Variants in PIP4K2C observed in about 807,000 individuals in gnomAD.
PIP4K2C encodes the protein phosphatidylinositol 5-phosphate 4-kinase type-2 gamma.
PIP4K2C carries 21 observed loss-of-function variants against 45.0 expected under a neutral mutation model. The observed-to-expected ratio is 0.47, with a 90% CI of 0.33 to 0.67. PIP4K2C has a LOEUF of 0.67. Ranked by LOEUF, PIP4K2C falls within the 30% of genes least tolerant of loss-of-function variation. The pLI is 0.02. For synonymous variants in PIP4K2C, 201 were observed against 204.8 expected (o/e 0.98, Z 0.16); for missense variants, 456 against 542.8 (o/e 0.84, Z 1.59).
intron 3 of PIP4K2C, among the ~76,000 whole-genome samples, chr12:57,595,617 C>G (rs1883155254): frequency 6.6e-6 from 1 of 150,580 alleles, no homozygotes; most frequent in African/African-American, 2.4e-5. Context: ...GCAGGAGAAT[C>G]ACCTGAACTT....
At chr12:57,595,443 G>A (rs1316614354) in intron 3 of PIP4K2C, among the ~76,000 whole-genome samples, 5 of 152,158 alleles carry the variant, frequency 3.3e-5, no homozygotes, top group East Asian at 1.9e-4. Flanking sequence ...TGTGGCTCAC[G>A]CCTGTAATCC....
intron 4 of PIP4K2C, among the ~76,000 whole-genome samples, chr12:57,598,372 T>C (rs1883279395): frequency 6.6e-6 from 1 of 151,984 alleles, no homozygotes; most frequent in African/African-American, 2.4e-5. Context: ...ATACAAAAAA[T>C]TAGCTGAGCG....
In PIP4K2C at chr12:57,600,937, A is replaced by G. The variant is rs2140193735; in HGVS notation, c.940A>G (p.Ser314Gly). 6.2e-7 allele frequency: 1 copy of G among 1,614,088 alleles called. No homozygotes were observed. The highest frequency in any genetic ancestry group is 2.2e-5 in the East Asian group (1 of 44,890). ...EDESEVDGDC[S>G]LTGPPALVGS... ...TGAGTCAGAGGTGGATGGGGACTGC[A>G]GCCTGACTGGACCTCCTGCTCTGGT... Residue 314 changes from serine (S) to glycine (G), a missense_variant, in exon 8 of 10, where the codon AGC becomes GGC. Around this residue, in one of 2 missense-constraint regions of PIP4K2C, gnomAD observed 421 missense variants for 473.1 expected, o/e 0.89. Transcript: ENST00000354947.
chr12:57,595,319 A>T (rs1312284621), intron 3 of PIP4K2C, 97 bp downstream of exon 3: 1 of 818,778 alleles, frequency 1.2e-6, no homozygotes, highest in African/African-American at 1.7e-5. Context: ...GAGTCTTGGC[A>T]AATATAATTC....
chr12:57,592,969 G>A (rs1883026734), intron 1 of PIP4K2C, among the ~76,000 whole-genome samples: 1 of 151,098 alleles, frequency 6.6e-6, no homozygotes, highest in Non-Finnish European at 1.5e-5. Context: ...GGAGGAGTTG[G>A]TTGCACTGCA....
chr12:57,597,055 G>A (rs1165876463), intron 4 of PIP4K2C, among the ~76,000 whole-genome samples: 1 of 152,234 alleles, frequency 6.6e-6, no homozygotes, highest in Non-Finnish European at 1.5e-5. Context: ...TGGATGGGAT[G>A]TAGTACTGTG....
chr12:57,594,168 GAGTAATA>G (rs776124068), intron 2 of PIP4K2C, 46 bp downstream of exon 2: 1 of 1,448,328 alleles, frequency 6.9e-7, no homozygotes, highest in Non-Finnish European at 9.5e-7. Flanking sequence ...TCCCAGAAAG[GAGTAATA>G]AATAATTTTA....
intron 6 of PIP4K2C, 71 bp from the exon 7 acceptor site, chr12:57,600,253 A>T: frequency 1.1e-6 from 1 of 904,394 alleles, no homozygotes; most frequent in Non-Finnish European, 1.8e-6. Context: ...ATAGAGCCCT[A>T]GACAGAAGGT....
chr12:57,595,939 T>C lies in PIP4K2C; in HGVS notation c.421T>C (p.Phe141Leu), dbSNP rs761761394. The stretch of plus-strand genomic sequence containing the variant: ...CGAAAGTGAAGGCAGTGATGGTCGC[T>C]TCCTTATCTCCTACGATCGGACTCT... ...PSESEGSDGRFLISYDRTLVI... is the reference protein window; with the variant it reads ...PSESEGSDGRLLISYDRTLVI... The change falls in exon 4 of 10, where the codon TTC (phenylalanine) becomes CTC (leucine). Residue 141 changes from phenylalanine to leucine, a missense_variant. Physicochemically the swap from Phe to Leu is conservative, Grantham distance 22. Coordinates refer to ENST00000354947, the MANE Select transcript of PIP4K2C (RefSeq NM_024779.5). 2 of 1,614,052 alleles carry C rather than the reference T, an allele frequency of 1.2e-6. No homozygotes were observed. Among genetic ancestry groups the C allele is most frequent in the South Asian group, 1.1e-5 (1 of 91,078 alleles).
intron 4 of PIP4K2C, among the ~76,000 whole-genome samples, chr12:57,596,901 T>C (rs1477442711): frequency 6.6e-6 from 1 of 152,230 alleles, no homozygotes; most frequent in African/African-American, 2.4e-5. Context: ...TTAGAGGAGA[T>C]ACTGTAAGAG....
At chr12:57,595,304 A>C in intron 3 of PIP4K2C, 82 bp downstream of exon 3, 1 of 887,852 alleles carries the variant, frequency 1.1e-6, no homozygotes, top group South Asian at 1.4e-5. Context: ...TATTTGGAGA[A>C]ATGAGAGTCT....
In PIP4K2C at chr12:57,591,412, C is replaced by T; in HGVS notation, c.123C>T (p.Phe41=). 1 of 1,613,856 alleles carries T rather than the reference C, an allele frequency of 6.2e-7. No individual in the cohort carries two copies. The highest frequency in any genetic ancestry group is 8.5e-7 in the Non-Finnish European group (1 of 1,179,880). Residue 41 remains phenylalanine, a synonymous_variant, in exon 1 of 10, where the codon TTC becomes TTT. Transcript: ENST00000354947. ...KHFVQQKVKV[F]RAADPLVGVF... Reference sequence around the variant, plus strand: ...TCGTGCAGCAGAAGGTGAAGGTGTTCCGGGCGGCCGACCCGCTGGTGGGTG... The same window carrying T: ...TCGTGCAGCAGAAGGTGAAGGTGTTTCGGGCGGCCGACCCGCTGGTGGGTG...
chr12:57,598,357 C>G (rs1883278698), intron 4 of PIP4K2C, among the ~76,000 whole-genome samples: 1 of 151,964 alleles, frequency 6.6e-6, no homozygotes, highest in South Asian at 2.1e-4. Flanking sequence ...CCCGCTTCTA[C>G]TAAAATACAA....
chr12:57,600,836 AC>A lies in PIP4K2C; in HGVS notation c.840del (p.Tyr281ThrfsTer5). On this transcript the variant is annotated frameshift_variant, in exon 8 of 10. Coordinates refer to ENST00000354947, the MANE Select transcript of PIP4K2C (RefSeq NM_024779.5). LOFTEE classifies it high-confidence loss of function. Reference protein sequence around the residue: ...VEFLVQLKIMDYSLLLGIHDI... With the variant: ...VEFLVQLKIMXYSLLLGIHDI... ...TTTCTAGTGCAGCTGAAGATCATGGACTACAGCCTTCTGCTAGGCATCCACG... is the reference window on the plus strand; with the variant it reads ...TTTCTAGTGCAGCTGAAGATCATGGATACAGCCTTCTGCTAGGCATCCACG... 1 of 1,614,140 alleles carries A rather than the reference AC, an allele frequency of 6.2e-7. No homozygotes were observed. The highest frequency in any genetic ancestry group is 1.3e-5 in the African/African-American group (1 of 75,046).
chr12:57,601,540 C>A lies in PIP4K2C; in HGVS notation c.1200C>A (p.Ile400=). 2 of 1,613,086 alleles carry A rather than the reference C, an allele frequency of 1.2e-6. No homozygotes were observed. Among genetic ancestry groups the A allele is most frequent in the Non-Finnish European group, 1.7e-6 (2 of 1,179,106 alleles). The change falls in exon 10 of 10, where the codon ATC becomes ATA. Residue 400 remains isoleucine, a synonymous_variant. Transcript: ENST00000354947. The part of the protein sequence containing the change: ...KTVKHGAGAE[I]STVHPEQYAK... ...TCCTCTCACAGGCTGGGGCAGAGATCTCTACTGTCCATCCGGAGCAGTATG... is the reference window on the plus strand; with the variant it reads ...TCCTCTCACAGGCTGGGGCAGAGATATCTACTGTCCATCCGGAGCAGTATG...
chr12:57,600,993 C>G lies in PIP4K2C; in HGVS notation c.996C>G (p.Ile332Met). ...CCTATGGCACCTCCCCAGAGGGTAT[C>G]GGAGGCTACATCCATTCCCATCGGC... ...VGSYGTSPEG[I>M]GGYIHSHRPL... Residue 332 changes from isoleucine (I) to methionine (M), a missense_variant, in exon 8 of 10, where the codon ATC becomes ATG. Around this residue, in one of 2 missense-constraint regions of PIP4K2C, gnomAD observed 421 missense variants for 473.1 expected, o/e 0.89. Transcript: ENST00000354947. 1 of 1,614,130 alleles carries G rather than the reference C, an allele frequency of 6.2e-7. No individual in the cohort carries two copies. The highest frequency in any genetic ancestry group is 8.5e-7 in the Non-Finnish European group (1 of 1,180,024).
chr12:57,601,048 A>C lies in PIP4K2C; in HGVS notation c.1051A>C (p.Ile351Leu). The change falls in exon 8 of 10, where the codon ATT becomes CTT. Residue 351 changes from isoleucine to leucine, a missense_variant. Around this residue, in one of 2 missense-constraint regions of PIP4K2C, gnomAD observed 421 missense variants for 473.1 expected, o/e 0.89. Transcript: ENST00000354947. ...GGGCCCAGGAGAGTTTGAGTCCTTC[A>C]TTGATGTCTATGCCATCCGGAGTGC... Reference protein sequence around the residue: ...PLGPGEFESFIDVYAIRSAEG... With the variant: ...PLGPGEFESFLDVYAIRSAEG... 9 of 1,613,820 alleles carry C rather than the reference A, an allele frequency of 5.6e-6. No homozygotes were observed. Among genetic ancestry groups the C allele is most frequent in the Non-Finnish European group, 7.6e-6 (9 of 1,180,014 alleles).
At position 57,595,199 on chromosome 12, in the gene PIP4K2C, G is replaced by A. The variant is rs1436144875; in HGVS notation, c.346G>A (p.Gly116Ser). The A allele has an allele frequency of 6.2e-7, 1 of 1,609,364 alleles. No individual in the cohort carries two copies. Among genetic ancestry groups the A allele is most frequent in the Non-Finnish European group, 8.5e-7 (1 of 1,175,730 alleles). Residue 116 changes from glycine to serine, a missense_variant, in exon 3 of 10, where the codon GGC becomes AGC. Physicochemically the swap from Gly to Ser is moderately conservative, Grantham distance 56. Coordinates refer to ENST00000354947, the MANE Select transcript of PIP4K2C (RefSeq NM_024779.5). ...QVFRNLRDRF[G>S]IDDQDYLVSL... is the part of the protein sequence containing the mutation. ...CTTCAGGAACCTCCGTGATCGATTT[G>A]GCATTGATGACCAAGATTACTTGGT...
Position 57,600,871 on chromosome 12 carries a change from CG to C in PIP4K2C, c.878del (p.Gly293AlafsTer23), listed in dbSNP as rs1883399469. ...TCTGCTAGGCATCCACGACATCATT[CG>C]GGGCTCTGAACCAGAGGAGGAAGCG... ...SLLLGIHDII[R>X]GSEPEEEAPV... is the part of the protein sequence containing the mutation. On this transcript the variant is annotated frameshift_variant, in exon 8 of 10. Coordinates refer to ENST00000354947, the MANE Select transcript of PIP4K2C (RefSeq NM_024779.5). LOFTEE classifies it high-confidence loss of function. 1 of 1,614,066 alleles carries C rather than the reference CG, an allele frequency of 6.2e-7. No individual in the cohort carries two copies. The highest frequency in any genetic ancestry group is 1.7e-5 in the Admixed American group (1 of 60,010).
Sources: gnomAD v4.1 joint callset for allele counts (sites outside exome capture counted in the v4.1 genomes callset) on GRCh38, gnomAD v4.1.1 for gene constraint, gnomAD v4.1.1 regional missense constraint, MANE v1.5 for transcripts, NCBI Gene and HGNC (gene_info 2026-07-23, HGNC 2026-07-21) for gene names.